ZNF503: variants seen among roughly 807,000 people sequenced by gnomAD.
ZNF503 encodes NocA-like zinc finger 2.
Under a neutral mutation model 34.4 loss-of-function variants are expected in ZNF503, and 15 were observed. That is an observed-to-expected ratio of 0.44 (90% CI 0.29 to 0.67). The LOEUF (loss-of-function observed/expected upper bound fraction) is 0.67. ZNF503 is among the 30% of genes least tolerant of loss of function. ZNF503 has a pLI of 0.13. For synonymous variants in ZNF503, 580 were observed against 456.8 expected (o/e 1.27, Z -3.44); for missense variants, 1,007 against 926.8 (o/e 1.09, Z -1.12).
At chr10:75,337,434 C>T in the ZNF503 span, among the ~76,000 whole-genome samples, 1 of 151,484 alleles carries the variant, frequency 6.6e-6, no homozygotes, top group East Asian at 1.9e-4. Flanking sequence ...ACCAGCCTGG[C>T]CAACACGGTG....
intron 1 of ZNF503, 41 bp downstream of exon 1, chr10:75,401,064 A>T: frequency 1.9e-6 from 3 of 1,612,940 alleles, no homozygotes; most frequent in Non-Finnish European, 2.5e-6. Context: ...GGTGGCAGCC[A>T]GGGTAGTGGT....
At chr10:75,381,883 T>C in the ZNF503 span, among the ~76,000 whole-genome samples, 1 of 135,958 alleles carries the variant, frequency 7.4e-6, no homozygotes, top group Non-Finnish European at 1.5e-5. Context: ...CTCTGCTCAC[T>C]GCAACCTCTG....
the ZNF503 span, among the ~76,000 whole-genome samples, chr10:75,369,785 A>G: frequency 6.6e-6 from 1 of 152,240 alleles, no homozygotes; most frequent in African/African-American, 2.4e-5. Context: ...TGAAGTAGTT[A>G]TCTTGGTGGC....
the ZNF503 span, among the ~76,000 whole-genome samples, chr10:75,322,715 C>T: frequency 6.6e-6 from 1 of 151,982 alleles, no homozygotes; most frequent in Non-Finnish European, 1.5e-5. Context: ...GTGGTGCATA[C>T]CTGTAGTCTC....
the ZNF503 span, among the ~76,000 whole-genome samples, chr10:75,362,083 A>G: frequency 6.6e-6 from 1 of 152,192 alleles, no homozygotes; most frequent in Non-Finnish European, 1.5e-5. Context: ...CAGGGCTGCA[A>G]CTGAACAGTG....
the ZNF503 span, among the ~76,000 whole-genome samples, chr10:75,365,172 G>A: frequency 1.1e-4 from 16 of 152,242 alleles, no homozygotes; most frequent in African/African-American, 3.4e-4. Context: ...TCTTTGAGAC[G>A]GAGTCTCGCT....
chr10:75,357,540 C>G, the ZNF503 span, among the ~76,000 whole-genome samples: 33 of 152,140 alleles, frequency 2.2e-4, no homozygotes, highest in African/African-American at 7.9e-4. Flanking sequence ...AATAACTAAT[C>G]ACAATAATAA....
chr10:75,338,906 C>T, the ZNF503 span, among the ~76,000 whole-genome samples: 26 of 152,192 alleles, frequency 1.7e-4, no homozygotes, highest in African/African-American at 4.3e-4. Context: ...AAGTCACTCT[C>T]GCTCTTTGCC....
the ZNF503 span, among the ~76,000 whole-genome samples, chr10:75,360,114 CT>C: frequency 0.019 from 2,087 of 108,442 alleles, 18 homozygotes; most frequent in Middle Eastern, 0.027. Context: ...CCAAAGGTTT[CT>C]TTTTTTTTTT....
chr10:75,390,101 GT>G, the ZNF503 span, among the ~76,000 whole-genome samples: 1 of 151,558 alleles, frequency 6.6e-6, no homozygotes, highest in African/African-American at 2.4e-5. Context: ...GTTTCACTGT[GT>G]TAGCCAGGAT....
At chr10:75,299,079 G>A in the ZNF503 span, 5 of 152,046 alleles carry the variant, frequency 3.3e-5, no homozygotes, top group African/African-American at 1.2e-4. Flanking sequence ...TTACAGGTAT[G>A]TGCCACCATG....
the ZNF503 span, among the ~76,000 whole-genome samples, chr10:75,335,828 C>G: frequency 6.6e-6 from 1 of 152,192 alleles, no homozygotes; most frequent in African/African-American, 2.4e-5. Context: ...TTCCAGTTCA[C>G]CATAACTTGA....
the ZNF503 span, among the ~76,000 whole-genome samples, chr10:75,345,125 T>C: frequency 2.0e-5 from 3 of 152,172 alleles, no homozygotes; most frequent in South Asian, 6.2e-4. Flanking sequence ...AAGTAGGAAA[T>C]GCATTGCTCT....
At chr10:75,340,837 G>A in the ZNF503 span, among the ~76,000 whole-genome samples, 1 of 152,048 alleles carries the variant, frequency 6.6e-6, no homozygotes, top group Non-Finnish European at 1.5e-5. Flanking sequence ...TCCTGACCTC[G>A]TGATCCACCC....
chr10:75,336,245 G>C, the ZNF503 span, among the ~76,000 whole-genome samples: 1 of 151,988 alleles, frequency 6.6e-6, no homozygotes, highest in South Asian at 2.1e-4. Flanking sequence ...CTGTTCTTCT[G>C]CTTTTCCTGT....
At chr10:75,336,725 A>C in the ZNF503 span, among the ~76,000 whole-genome samples, 45,734 of 152,016 alleles carry the variant, frequency 0.3, 7,435 homozygotes, top group South Asian at 0.41. Flanking sequence ...TCTGGGGAAG[A>C]ATCCATTTCC....
chr10:75,342,476 T>A, the ZNF503 span, among the ~76,000 whole-genome samples: 1 of 152,182 alleles, frequency 6.6e-6, no homozygotes, highest in Non-Finnish European at 1.5e-5. Flanking sequence ...CCTTCCAGAA[T>A]GTCTTGGATT....
chr10:75,352,616 T>A, the ZNF503 span, among the ~76,000 whole-genome samples: 1 of 152,220 alleles, frequency 6.6e-6, no homozygotes. Flanking sequence ...GCTGCCTGAA[T>A]GCAGGCGTAT....
the ZNF503 span, chr10:75,358,331 G>A: frequency 6.6e-6 from 1 of 152,180 alleles, no homozygotes; most frequent in Non-Finnish European, 1.5e-5. Context: ...GAATAAAGTT[G>A]GAAGTGTTTG....
Sources: gnomAD v4.1 joint callset for allele counts (sites outside exome capture counted in the v4.1 genomes callset) on GRCh38, gnomAD v4.1.1 for gene constraint, MANE v1.5 for transcripts, NCBI Gene and HGNC (gene_info 2026-07-23, HGNC 2026-07-21) for gene names.